PECR: variants seen among roughly 807,000 people sequenced by gnomAD.
The protein encoded by PECR is peroxisomal trans-2-enoyl-CoA reductase.
A neutral mutation model predicts 35.3 loss-of-function variants in PECR; 30 were observed. The ratio of observed to expected loss-of-function variants is 0.85; its 90% confidence interval spans 0.64 to 1.15. The LOEUF (loss-of-function observed/expected upper bound fraction) is 1.15, where lower values mean the gene tolerates loss of function less well. Ranked by LOEUF, PECR falls within the 50% of genes most tolerant of loss-of-function variation. PECR has a pLI of 0.00. For missense variants in PECR, 392 were observed against 370.8 expected (o/e 1.06, Z -0.47); for synonymous variants, 148 against 138.9 (o/e 1.07, Z -0.46).
chr2:216,044,285 G>C (rs943075578), intron 6 of PECR, among the ~76,000 whole-genome samples: 3 of 152,164 alleles, frequency 2.0e-5, no homozygotes, highest in Non-Finnish European at 4.4e-5. Flanking sequence ...CAAGCTACAT[G>C]ACGTCAAGAA....
intron 1 of PECR, among the ~76,000 whole-genome samples, chr2:216,071,046 T>C (rs971237830): frequency 5.9e-5 from 9 of 152,188 alleles, no homozygotes; most frequent in African/African-American, 2.2e-4. Context: ...AATTGCAAAA[T>C]GTGCAGCCTT....
chr2:216,050,789 T>C (rs1310290671), intron 5 of PECR: 1 of 151,722 alleles, frequency 6.6e-6, no homozygotes, highest in East Asian at 1.9e-4. Context: ...TAGTCCCAGC[T>C]ACTTGGGAGG....
In PECR at chr2:216,040,316, G is replaced by A. The variant is rs532485980; in HGVS notation, c.827-956C>T. 3.3e-5 allele frequency among the ~76,000 whole-genome samples: 5 copies of A among 152,296 alleles called. No individual in the cohort carries two copies. The East Asian group carries it at 9.6e-4, about 29-fold the overall frequency. On this transcript the variant is annotated intron_variant, in intron 7 of 7. Transcript: ENST00000265322. ...CTTGCTCTGTCAGCCAGGCTGGAGTGCAGTTGTGCAATCATGGCTCACTGC... is the reference window on the plus strand; with the variant it reads ...CTTGCTCTGTCAGCCAGGCTGGAGTACAGTTGTGCAATCATGGCTCACTGC...
intron 1 of PECR, among the ~76,000 whole-genome samples, chr2:216,079,750 G>A (rs1321635107): frequency 6.7e-6 from 1 of 149,782 alleles, no homozygotes; most frequent in Non-Finnish European, 1.5e-5. Flanking sequence ...GGGAGGCCGA[G>A]GCGGGCGGAT....
chr2:216,065,222 G>A lies in PECR; in HGVS notation c.424+90C>T, dbSNP rs545399062. 2,943 of 872,220 alleles carry A rather than the reference G, an allele frequency of 3.4e-3. 8 individuals carry two copies. Among genetic ancestry groups the A allele is most frequent in the Non-Finnish European group, 5.2e-3 (2,624 of 503,530 alleles). The allele number at this position is 872,220 out of a possible 1,614,324, so 54.0% of individuals were successfully genotyped here. On this transcript the variant is annotated intron_variant, in intron 3 of 7. Coordinates refer to ENST00000265322, the MANE Select transcript of PECR (RefSeq NM_018441.6). ...AAGTGAGAAAATCCAGCCAATAAAT[G>A]TTAATGACATGGGGCTTCTGAGTCC...
chr2:216,044,706 A>T (rs1694958702), intron 6 of PECR, among the ~76,000 whole-genome samples: 1 of 152,156 alleles, frequency 6.6e-6, no homozygotes, highest in African/African-American at 2.4e-5. Context: ...AAAAAAATAA[A>T]AATAAAAATA....
intron 6 of PECR, among the ~76,000 whole-genome samples, chr2:216,044,868 A>T (rs1694962077): frequency 6.6e-6 from 1 of 152,292 alleles, no homozygotes; most frequent in Non-Finnish European, 1.5e-5. Flanking sequence ...GAAGAAGCAG[A>T]GTTTCTCAAA....
chr2:216,068,557 G>A (rs1171216642), intron 1 of PECR, among the ~76,000 whole-genome samples: 1 of 152,144 alleles, frequency 6.6e-6, no homozygotes, highest in East Asian at 1.9e-4. Flanking sequence ...CAAAAAAGAT[G>A]AAAGGAAGTC....
At chr2:216,056,228 G>A (rs1215984953) in intron 4 of PECR, among the ~76,000 whole-genome samples, 1 of 151,924 alleles carries the variant, frequency 6.6e-6, no homozygotes, top group Non-Finnish European at 1.5e-5. Context: ...GTTTCAATTT[G>A]TCTCTTAAGA....
intron 1 of PECR, among the ~76,000 whole-genome samples, chr2:216,076,188 A>C (rs1695692450): frequency 6.6e-6 from 1 of 152,104 alleles, no homozygotes; most frequent in Non-Finnish European, 1.5e-5. Flanking sequence ...ATGTTAGCCA[A>C]TTTTTTTCTT....
At chr2:216,043,039 G>GTGTATA (rs1694922256) in intron 7 of PECR, among the ~76,000 whole-genome samples, 3 of 89,730 alleles carry the variant, frequency 3.3e-5, no homozygotes, top group Non-Finnish European at 4.7e-5. Flanking sequence ...ATATGTATGT[G>GTGTATA]TATATATATA....
At chr2:216,036,537 A>G (rs367654529), downstream of PECR, among the ~76,000 whole-genome samples, 91 of 152,364 alleles carry the variant, frequency 6.0e-4, 1 homozygote, top group African/African-American at 2.0e-3. Flanking sequence ...TTTACACTGT[A>G]GAGAATCCAC....
intron 6 of PECR, among the ~76,000 whole-genome samples, chr2:216,046,304 ATATATATT>A (rs1694990320): frequency 8.7e-6 from 1 of 115,134 alleles, no homozygotes; most frequent in Admixed American, 8.7e-5. Context: ...ATATATATAT[ATATATATT>A]TTTTTTTTTT....
chr2:216,056,568 A>G (rs956564038), intron 4 of PECR, among the ~76,000 whole-genome samples: 10 of 151,868 alleles, frequency 6.6e-5, no homozygotes, highest in African/African-American at 2.2e-4. Context: ...TAAAAATACA[A>G]AAAACTACTG....
At chr2:216,075,542 TATATATA>T in intron 1 of PECR, among the ~76,000 whole-genome samples, 1 of 152,352 alleles carries the variant, frequency 6.6e-6, no homozygotes, top group Non-Finnish European at 1.5e-5. Flanking sequence ...AGAAAAATAT[TATATATA>T]ATCCTTGCCT....
chr2:216,034,732 G>A (rs933566697), downstream of PECR, among the ~76,000 whole-genome samples: 89 of 152,162 alleles, frequency 5.8e-4, no homozygotes, highest in African/African-American at 2.1e-3. Context: ...AGAGGATTAC[G>A]GATGAGCCCA....
downstream of PECR, among the ~76,000 whole-genome samples, chr2:216,038,000 A>C (rs1214190585): frequency 7.1e-6 from 1 of 141,126 alleles, no homozygotes; most frequent in Non-Finnish European, 1.5e-5. Context: ...CAGCAGAATC[A>C]CTTGAACCCA....
chr2:216,051,742 T>G (rs1574685702), intron 4 of PECR, among the ~76,000 whole-genome samples, 197 bp from the exon 5 acceptor site: 1 of 152,346 alleles, frequency 6.6e-6, no homozygotes, highest in East Asian at 1.9e-4. Context: ...CCACAGCTGA[T>G]GATCAAGCAA....
intron 5 of PECR, 104 bp downstream of exon 5, chr2:216,051,345 C>A: frequency 8.7e-5 from 56 of 640,248 alleles, no homozygotes; most frequent in East Asian, 2.4e-4. Context: ...TAAAGTCAAT[C>A]TTTTATGCTA....
Sources: gnomAD v4.1 joint callset for allele counts (sites outside exome capture counted in the v4.1 genomes callset) on GRCh38, gnomAD v4.1.1 for gene constraint, MANE v1.5 for transcripts, NCBI Gene and HGNC (gene_info 2026-07-23, HGNC 2026-07-21) for gene names.